MGMT: variants seen among roughly 807,000 people sequenced by gnomAD.
The protein encoded by MGMT is O-6-methylguanine-DNA methyltransferase.
Under a neutral mutation model 15.9 loss-of-function variants are expected in MGMT, and 14 were observed. The observed-to-expected ratio is 0.88, with a 90% CI of 0.58 to 1.37. The LOEUF (loss-of-function observed/expected upper bound fraction) is 1.37. MGMT is among the 40% of genes most tolerant of loss of function. MGMT has a pLI of 0.00. For missense variants in MGMT, 282 were observed against 268.1 expected, an observed-to-expected ratio of 1.05 and a Z score of -0.36; for synonymous variants, 130 against 118.2, an observed-to-expected ratio of 1.10 and a Z score of -0.65.
chr10:129,687,700 T>C (rs1230813243), intron 2 of MGMT, among the ~76,000 whole-genome samples: 1 of 68,650 alleles, frequency 1.5e-5, no homozygotes, highest in African/African-American at 5.1e-5. Flanking sequence ...GTGTAGCCCT[T>C]TTTTTTTTTT....
intron 2 of MGMT, among the ~76,000 whole-genome samples, chr10:129,591,857 G>A (rs1194760556): frequency 6.6e-6 from 1 of 152,152 alleles, no homozygotes; most frequent in African/African-American, 2.4e-5. Flanking sequence ...CTTGAACCCG[G>A]GAGGCAGAGA....
At chr10:129,594,743 T>C (rs1397818783) in intron 2 of MGMT, among the ~76,000 whole-genome samples, 3 of 152,176 alleles carry the variant, frequency 2.0e-5, no homozygotes, top group Non-Finnish European at 4.4e-5. Flanking sequence ...TGAAGAAATC[T>C]CTCTCCTACC....
At chr10:129,620,108 G>A (rs890625030) in intron 2 of MGMT, among the ~76,000 whole-genome samples, 1 of 152,176 alleles carries the variant, frequency 6.6e-6, no homozygotes, top group Non-Finnish European at 1.5e-5. Flanking sequence ...TCCTTTCTAA[G>A]ATTGGTCATT....
rs564844006 is a variant in MGMT at position 129,575,385 on chromosome 10, C to CA, written c.125+39012dup. ...AGAACTCAGGATTAAGAATCTCACT[C>CA]AAAACCGCTCAACTACATGGAAACT... is the stretch of plus-strand genomic sequence containing the variant. On this transcript the variant is annotated intron_variant, in intron 2 of 4. Transcript: ENST00000651593. Among the ~76,000 whole-genome samples, 31 of 151,948 alleles carry CA rather than the reference C, an allele frequency of 2.0e-4. 1 individual carries two copies. Among genetic ancestry groups the CA allele is most frequent in the African/African-American group, 7.5e-4 (31 of 41,418 alleles).
At chr10:129,577,366 C>T (rs1846496595) in intron 2 of MGMT, among the ~76,000 whole-genome samples, 1 of 152,092 alleles carries the variant, frequency 6.6e-6, no homozygotes, top group Admixed American at 6.6e-5. Flanking sequence ...GAACAGAGCC[C>T]TCAGAAATAA....
intron 2 of MGMT, among the ~76,000 whole-genome samples, chr10:129,639,169 A>G (rs1847298776): frequency 6.6e-6 from 1 of 152,182 alleles, no homozygotes. Context: ...AAGATCTTAA[A>G]AAACCATGAA....
intron 1 of MGMT, among the ~76,000 whole-genome samples, chr10:129,469,367 C>T (rs565801836): frequency 5.1e-4 from 77 of 152,314 alleles, no homozygotes; most frequent in African/African-American, 1.8e-3. Context: ...GGTGCTAATG[C>T]TCTTTTCAGT....
At chr10:129,617,911 A>G (rs1234544714) in intron 2 of MGMT, among the ~76,000 whole-genome samples, 1 of 150,854 alleles carries the variant, frequency 6.6e-6, no homozygotes, top group African/African-American at 2.4e-5. Context: ...GACGGGCCAC[A>G]TGGGAGGAGC....
intron 3 of MGMT, among the ~76,000 whole-genome samples, chr10:129,746,360 T>C (rs1468539722): frequency 6.6e-6 from 1 of 151,740 alleles, no homozygotes; most frequent in Non-Finnish European, 1.5e-5. Context: ...TTTTTTATCA[T>C]GATTTGAAGG....
chr10:129,765,753 C>G (rs1848926449), intron 4 of MGMT, among the ~76,000 whole-genome samples: 1 of 152,168 alleles, frequency 6.6e-6, no homozygotes, highest in Admixed American at 6.5e-5. Context: ...CCTAACAGTG[C>G]TAAGCTGGGC....
At chr10:129,690,137 C>T (rs978411387) in intron 2 of MGMT, among the ~76,000 whole-genome samples, 2 of 152,130 alleles carry the variant, frequency 1.3e-5, no homozygotes, top group African/African-American at 4.8e-5. Context: ...AAAACAGACA[C>T]GCAGTAGAAG....
intron 2 of MGMT, among the ~76,000 whole-genome samples, chr10:129,693,563 G>C (rs1847994844): frequency 6.6e-6 from 1 of 152,132 alleles, no homozygotes; most frequent in Admixed American, 6.5e-5. Flanking sequence ...GTCTGCTCAG[G>C]GGGAGGCCTG....
chr10:129,741,584 AGT>A (rs1472895984), intron 3 of MGMT, among the ~76,000 whole-genome samples: 1 of 152,150 alleles, frequency 6.6e-6, no homozygotes, highest in Non-Finnish European at 1.5e-5. Flanking sequence ...TGTAGACATC[AGT>A]GTCTCCATTT....
chr10:129,611,895 T>C (rs1846965449), intron 2 of MGMT, among the ~76,000 whole-genome samples: 1 of 152,004 alleles, frequency 6.6e-6, no homozygotes, highest in Non-Finnish European at 1.5e-5. Context: ...ATGGAAAGAG[T>C]CAAACTCTGT....
At chr10:129,497,385 G>GTCCT (rs1396845777) in intron 1 of MGMT, among the ~76,000 whole-genome samples, 1 of 152,150 alleles carries the variant, frequency 6.6e-6, no homozygotes, top group Admixed American at 6.5e-5. Flanking sequence ...CACTGTCCTG[G>GTCCT]TCCTCTCTCC....
At chr10:129,580,634 G>C (rs755628005) in intron 2 of MGMT, among the ~76,000 whole-genome samples, 4 of 152,176 alleles carry the variant, frequency 2.6e-5, no homozygotes, top group Non-Finnish European at 5.9e-5. Flanking sequence ...CTGGGCTTCT[G>C]TCTCTAACCA....
At chr10:129,479,130 G>T (rs151095157) in intron 1 of MGMT, among the ~76,000 whole-genome samples, 29 of 152,230 alleles carry the variant, frequency 1.9e-4, no homozygotes, top group African/African-American at 6.7e-4. Flanking sequence ...TGTATGATTA[G>T]TTTTATATAA....
chr10:129,749,414 T>A (rs1197577719), intron 3 of MGMT, among the ~76,000 whole-genome samples: 2 of 152,194 alleles, frequency 1.3e-5, no homozygotes, highest in African/African-American at 4.8e-5. Flanking sequence ...TGGCTTCCTT[T>A]GCTTAGCAAT....
intron 1 of MGMT, among the ~76,000 whole-genome samples, chr10:129,507,065 A>G (rs1405674613): frequency 3.3e-5 from 5 of 152,154 alleles, no homozygotes; most frequent in African/African-American, 9.7e-5. Flanking sequence ...TTCCAGTGCT[A>G]TGTTATGATG....
Sources: allele counts gnomAD v4.1 joint callset (sites outside exome capture counted in the v4.1 genomes callset), GRCh38; gene constraint gnomAD v4.1.1; transcripts MANE v1.5; gene names NCBI Gene and HGNC (gene_info 2026-07-23, HGNC 2026-07-21).